MYO5C: variants seen among roughly 807,000 people sequenced by gnomAD.
MYO5C encodes myosin VC.
A neutral mutation model predicts 235.7 loss-of-function variants in MYO5C; 194 were observed. The ratio of observed to expected loss-of-function variants is 0.82; its 90% CI spans 0.73 to 0.93. MYO5C has a LOEUF of 0.93. Among genes scored for constraint, MYO5C ranks in the 40% least tolerant of loss-of-function variants. The pLI, the probability that MYO5C is intolerant of heterozygous loss-of-function variation, is 0.00. For missense variants in MYO5C, 2,038 were observed against 2,127.2 expected (o/e 0.96, Z 0.82); for synonymous variants, 707 against 754.8 (o/e 0.94, Z 1.04).
Position 52,222,842 on chromosome 15 carries a change from C to T in MYO5C, c.3627+702G>A, listed in dbSNP as rs184157598. 2.4e-3 allele frequency among the ~76,000 whole-genome samples: 372 copies of T among 152,194 alleles called. 4 individuals are homozygous for T. Among genetic ancestry groups the T allele is most frequent in the Admixed American group, 0.018 (280 of 15,280 alleles). On this transcript the variant is annotated intron_variant, in intron 29 of 40. Coordinates refer to ENST00000261839, the MANE Select transcript of MYO5C (RefSeq NM_018728.4). ...GACAAATGCAGTGGCTAGGAATGCACGTCATGGAAGAGGAAGCCCTTGAAA... is the reference window on the plus strand; with the variant it reads ...GACAAATGCAGTGGCTAGGAATGCATGTCATGGAAGAGGAAGCCCTTGAAA...
At chr15:52,293,456 G>C (rs532005488) in intron 1 of MYO5C, among the ~76,000 whole-genome samples, 11 of 152,008 alleles carry the variant, frequency 7.2e-5, no homozygotes, top group Non-Finnish European at 1.5e-4. Context: ...ACCCTGCAAG[G>C]CACCTTCCCT....
At position 52,207,001 on chromosome 15, in the gene MYO5C, C is replaced by T. The variant is rs151002709; in HGVS notation, c.4387-1035G>A. Among the ~76,000 whole-genome samples the T allele has an allele frequency of 4.9e-3, 746 of 152,064 alleles. 14 individuals are homozygous for T. Among genetic ancestry groups the T allele is most frequent in the Admixed American group, 0.025 (385 of 15,254 alleles). ...TACAAAAATTAACCGGGCATGGTGG[C>T]GCATGCCTGTAGCCACAGCTACTCA... On this transcript the variant is annotated intron_variant, in intron 36 of 40. Transcript: ENST00000261839.
chr15:52,266,296 G>C (rs1250845600), intron 8 of MYO5C, among the ~76,000 whole-genome samples: 1 of 152,182 alleles, frequency 6.6e-6, no homozygotes, highest in Non-Finnish European at 1.5e-5. Flanking sequence ...CCTAGAGCCT[G>C]AGGTCCCAGG....
chr15:52,235,791 CT>C (rs1310426288), intron 22 of MYO5C, 28 bp from the exon 23 acceptor site: 7 of 1,535,286 alleles, frequency 4.6e-6, no homozygotes, highest in Non-Finnish European at 6.2e-6. Flanking sequence ...GAAAAACAAA[CT>C]TTTTTGAAAA....
At chr15:52,238,800 C>T (rs2036147664) in intron 21 of MYO5C, among the ~76,000 whole-genome samples, 1 of 151,714 alleles carries the variant, frequency 6.6e-6, no homozygotes, top group Non-Finnish European at 1.5e-5. Context: ...CGCCACCACG[C>T]CCGGCTAATT....
rs538782960 is a variant in MYO5C, at chr15:52,211,503, G to A, written c.4296+227C>T. 2.2e-4 allele frequency among the ~76,000 whole-genome samples: 34 copies of A among 152,318 alleles called. No individual in the cohort carries two copies. In the South Asian group the frequency reaches 6.4e-3, roughly 29 times the overall value. Reference sequence around the variant, plus strand: ...CTAAGGGGATAGCAGTGGTGGGGCAGTGGCTACCAGGTTGCAGTCTCGCCG... The same window carrying A: ...CTAAGGGGATAGCAGTGGTGGGGCAATGGCTACCAGGTTGCAGTCTCGCCG... On this transcript the variant is annotated intron_variant, in intron 35 of 40. Transcript: ENST00000261839.
At chr15:52,245,082 CA>C (rs2141324803) in intron 18 of MYO5C, among the ~76,000 whole-genome samples, 1 of 152,328 alleles carries the variant, frequency 6.6e-6, no homozygotes, top group African/African-American at 2.4e-5. Flanking sequence ...AAGCCTGGTC[CA>C]CAGAGGACTG....
chr15:52,254,816 C>T (rs543027184), intron 11 of MYO5C, among the ~76,000 whole-genome samples: 43 of 152,064 alleles, frequency 2.8e-4, no homozygotes, highest in African/African-American at 8.7e-4. Context: ...GGGAGCAGCA[C>T]GCCATTGCAG....
intron 5 of MYO5C, among the ~76,000 whole-genome samples, chr15:52,274,151 C>A (rs530569590): frequency 6.6e-6 from 1 of 152,184 alleles, no homozygotes; most frequent in African/African-American, 2.4e-5. Flanking sequence ...ATGTGCCATG[C>A]GCTCGGTAAA....
At chr15:52,252,448 T>A (rs796580721) in intron 12 of MYO5C, among the ~76,000 whole-genome samples, 3 of 152,248 alleles carry the variant, frequency 2.0e-5, no homozygotes, top group African/African-American at 7.2e-5. Flanking sequence ...TGTGATTTTT[T>A]TTTTTTTGAG....
intron 24 of MYO5C, among the ~76,000 whole-genome samples, chr15:52,230,689 T>C (rs8023465): frequency 0.95 from 144,218 of 151,344 alleles, 68,927 homozygotes; most frequent in Non-Finnish European, 0.99. Context: ...GGATTACAGG[T>C]GTGAGCACTG....
chr15:52,276,473 T>A (rs2037054327), intron 4 of MYO5C, among the ~76,000 whole-genome samples: 1 of 152,214 alleles, frequency 6.6e-6, no homozygotes, highest in South Asian at 2.1e-4. Flanking sequence ...CTGCCTAGCA[T>A]ATGCCAATAT....
chr15:52,235,679 C>G lies in MYO5C; in HGVS notation c.2953G>C (p.Glu985Gln). The part of the protein sequence containing the change: ...IQLKLQEKTE[E>Q]LKEKMDNLTK... ...GCCCCCCAAGCTTTACCTTTTAACT[C>G]TTCAGTCTTCTCTTGAAGCTTCAGC... The change falls in exon 23 of 41, where the codon GAG becomes CAG. Residue 985 changes from glutamate to glutamine, a missense_variant. Glu to Gln is a conservative substitution (Grantham distance 29). Transcript: ENST00000261839. The G allele has an allele frequency of 6.2e-7, 1 of 1,610,672 alleles. No homozygotes were observed. Among genetic ancestry groups the G allele is most frequent in the Non-Finnish European group, 8.5e-7 (1 of 1,178,078 alleles).
intron 37 of MYO5C, 122 bp from the exon 38 acceptor site, chr15:52,205,269 T>A: frequency 8.9e-7 from 1 of 1,122,700 alleles, no homozygotes; most frequent in South Asian, 1.6e-5. Flanking sequence ...GATGTACTTA[T>A]GATAGAGAAA....
chr15:52,289,149 C>T (rs978278204), intron 1 of MYO5C, among the ~76,000 whole-genome samples: 12 of 151,348 alleles, frequency 7.9e-5, no homozygotes, highest in African/African-American at 2.9e-4. Flanking sequence ...TCTTCATTCG[C>T]TCCTCATGGG....
At chr15:52,282,602 G>C (rs2037181770) in intron 2 of MYO5C, among the ~76,000 whole-genome samples, 180 bp downstream of exon 2, 1 of 152,208 alleles carries the variant, frequency 6.6e-6, no homozygotes, top group Non-Finnish European at 1.5e-5. Flanking sequence ...GGGCGGGAGG[G>C]AAGGAGTACA....
intron 21 of MYO5C, among the ~76,000 whole-genome samples, chr15:52,237,919 G>GCCCC (rs139930981): frequency 2.9e-4 from 44 of 150,526 alleles, no homozygotes; most frequent in South Asian, 6.3e-4. Context: ...TATGAACTGT[G>GCCCC]CCCCCCGCCA....
chr15:52,258,689 T>C (rs1444225406), intron 10 of MYO5C, among the ~76,000 whole-genome samples: 1 of 152,202 alleles, frequency 6.6e-6, no homozygotes, highest in Non-Finnish European at 1.5e-5. Context: ...GCTGCAGCCC[T>C]GCTGCCTAGA....
chr15:52,208,667 A>T (rs1444748520), intron 35 of MYO5C, 24 bp from the exon 36 acceptor site: 3 of 1,604,738 alleles, frequency 1.9e-6, no homozygotes, highest in South Asian at 2.2e-5. Context: ...GAAAAGACAA[A>T]ATTGGTCTTG....
Sources: gnomAD v4.1 joint callset for allele counts (sites outside exome capture counted in the v4.1 genomes callset) on GRCh38, gnomAD v4.1.1 for gene constraint, MANE v1.5 for transcripts, NCBI Gene and HGNC (gene_info 2026-07-23, HGNC 2026-07-21) for gene names.